The following TENM3 variants were observed in gnomAD, a reference collection of about 807,000 sequenced individuals.
TENM3 encodes teneurin-3.
A neutral mutation model predicts 255.1 loss-of-function variants in TENM3; 63 were observed. That is an observed-to-expected ratio of 0.25 (90% confidence interval 0.20 to 0.30). The LOEUF (loss-of-function observed/expected upper bound fraction) is 0.30. Among genes scored for constraint, TENM3 ranks in the 10% least tolerant of loss-of-function variants. The pLI is 1.00. For synonymous variants in TENM3, 1,306 were observed against 1,322.3 expected (o/e 0.99, Z 0.27); for missense variants, 2,929 against 3,461.1 (o/e 0.85, Z 3.86).
the TENM3 span, among the ~76,000 whole-genome samples, chr4:181,726,453 G>T: frequency 1.3e-5 from 2 of 152,100 alleles, no homozygotes; most frequent in African/African-American, 2.4e-5. Flanking sequence ...GGGAACAGAG[G>T]CTCAGAAAGG....
At chr4:182,115,950 C>G in the TENM3 span, among the ~76,000 whole-genome samples, 19 of 152,204 alleles carry the variant, frequency 1.2e-4, 1 homozygote, top group South Asian at 3.7e-3. Context: ...GCAGAAAATA[C>G]AGAGTTCCCA....
chr4:181,676,509 C>A, the TENM3 span, among the ~76,000 whole-genome samples: 1 of 151,992 alleles, frequency 6.6e-6, no homozygotes, highest in African/African-American at 2.4e-5. Flanking sequence ...GGTAGTTTTT[C>A]AACCCTCCCC....
the TENM3 span, among the ~76,000 whole-genome samples, chr4:181,530,742 A>G: frequency 6.6e-6 from 1 of 152,244 alleles, no homozygotes; most frequent in South Asian, 2.1e-4. Flanking sequence ...TTGATTCAAC[A>G]ACAAAGATAT....
chr4:182,731,491 C>T (rs761769632), intron 16 of TENM3, among the ~76,000 whole-genome samples: 5 of 151,970 alleles, frequency 3.3e-5, no homozygotes, highest in African/African-American at 4.8e-5. Flanking sequence ...GCCTGGGTGA[C>T]ACAGTGAGAC....
chr4:181,925,307 T>G, the TENM3 span, among the ~76,000 whole-genome samples: 1 of 152,178 alleles, frequency 6.6e-6, no homozygotes, highest in African/African-American at 2.4e-5. Context: ...TCTCCAACCT[T>G]ATAGGTTATT....
At chr4:181,782,065 T>A in the TENM3 span, among the ~76,000 whole-genome samples, 1 of 151,984 alleles carries the variant, frequency 6.6e-6, no homozygotes, top group Admixed American at 6.6e-5. Flanking sequence ...ATCAGGGATA[T>A]TGGTCTAAAA....
the TENM3 span, among the ~76,000 whole-genome samples, chr4:181,690,070 A>G: frequency 6.6e-6 from 1 of 152,124 alleles, no homozygotes; most frequent in Admixed American, 6.6e-5. Flanking sequence ...ATTCCCAGGC[A>G]CCCAATATGG....
the TENM3 span, among the ~76,000 whole-genome samples, chr4:181,842,817 T>G: frequency 6.6e-6 from 1 of 152,244 alleles, no homozygotes; most frequent in Non-Finnish European, 1.5e-5. Flanking sequence ...ATATGATGGA[T>G]GGACATAGTA....
chr4:182,099,837 A>G, the TENM3 span, among the ~76,000 whole-genome samples: 2 of 152,212 alleles, frequency 1.3e-5, no homozygotes, highest in Non-Finnish European at 2.9e-5. Flanking sequence ...CTAAGGCGGT[A>G]GAATCCATGA....
At chr4:182,600,029 C>T (rs899010456) in intron 3 of TENM3, among the ~76,000 whole-genome samples, 3 of 152,158 alleles carry the variant, frequency 2.0e-5, no homozygotes, top group South Asian at 4.1e-4. Context: ...ATTAGCTTTA[C>T]GGAATTTTCT....
chr4:181,934,052 G>C, the TENM3 span, among the ~76,000 whole-genome samples: 1 of 142,728 alleles, frequency 7.0e-6, no homozygotes, highest in South Asian at 2.7e-4. Context: ...CCCTTTCTGT[G>C]TGTGTGTGTG....
chr4:181,722,822 G>A, the TENM3 span, among the ~76,000 whole-genome samples: 1 of 151,858 alleles, frequency 6.6e-6, no homozygotes, highest in East Asian at 1.9e-4. Flanking sequence ...ATTTTTAATG[G>A]CTGCAGGTAC....
intron 7 of TENM3, among the ~76,000 whole-genome samples, chr4:182,675,687 A>G (rs891159568): frequency 6.6e-6 from 1 of 152,252 alleles, no homozygotes; most frequent in Non-Finnish European, 1.5e-5. Context: ...TTATTTGTGT[A>G]TAATTCAAGA....
chr4:182,323,098 G>C (rs1030828756), intron 1 of TENM3, among the ~76,000 whole-genome samples: 17 of 152,158 alleles, frequency 1.1e-4, no homozygotes, highest in Non-Finnish European at 4.4e-5. Context: ...GAAGGCCCCA[G>C]TCTTTTGCCG....
At chr4:182,060,013 TG>T in the TENM3 span, among the ~76,000 whole-genome samples, 1 of 151,822 alleles carries the variant, frequency 6.6e-6, no homozygotes, top group African/African-American at 2.4e-5. Context: ...GAGGTCAAGG[TG>T]GGAGGATTGT....
At chr4:182,416,488 T>G (rs1390914923) in intron 3 of TENM3, among the ~76,000 whole-genome samples, 2 of 152,240 alleles carry the variant, frequency 1.3e-5, no homozygotes, top group Non-Finnish European at 2.9e-5. Flanking sequence ...TCAAGCAATT[T>G]TTCATGATCA....
At chr4:182,596,638 A>C (rs1227377541) in intron 3 of TENM3, among the ~76,000 whole-genome samples, 1 of 152,218 alleles carries the variant, frequency 6.6e-6, no homozygotes, top group Non-Finnish European at 1.5e-5. Context: ...GAGTGGCTAC[A>C]GCAAGCGTGG....
chr4:182,590,759 G>A (rs1746551276), intron 3 of TENM3, among the ~76,000 whole-genome samples: 2 of 150,606 alleles, frequency 1.3e-5, no homozygotes, highest in Admixed American at 1.3e-4. Flanking sequence ...GGGGGCAGGA[G>A]AATCACTTGA....
chr4:182,771,120 C>T (rs1185122293), intron 22 of TENM3, among the ~76,000 whole-genome samples: 1 of 152,160 alleles, frequency 6.6e-6, no homozygotes, highest in Non-Finnish European at 1.5e-5. Context: ...GCCGAGGATC[C>T]TGTGATATAG....
Sources: gnomAD v4.1 joint callset for allele counts (sites outside exome capture counted in the v4.1 genomes callset) on GRCh38, gnomAD v4.1.1 for gene constraint, MANE v1.5 for transcripts, NCBI Gene and HGNC (gene_info 2026-07-23, HGNC 2026-07-21) for gene names.